Variants in PSMA8 observed in about 807,000 individuals in gnomAD.
The protein encoded by PSMA8 is proteasome subunit alpha-type 8.
A neutral mutation model predicts 32.4 loss-of-function variants in PSMA8; 18 were observed. The ratio of observed to expected loss-of-function variants is 0.56; its 90% CI spans 0.38 to 0.82. The LOEUF (loss-of-function observed/expected upper bound fraction) is 0.82, where lower values mean the gene tolerates loss of function less well. Ranked by LOEUF, PSMA8 falls within the 40% of genes least tolerant of loss-of-function variation. The pLI is 0.00. For missense variants in PSMA8, 298 were observed against 300.7 expected (o/e 0.99, Z 0.07); for synonymous variants, 104 against 98.1 (o/e 1.06, Z -0.36).
At chr18:26,173,851 C>T (rs1177375761) in intron 4 of PSMA8, among the ~76,000 whole-genome samples, 1 of 152,016 alleles carries the variant, frequency 6.6e-6, no homozygotes, top group Non-Finnish European at 1.5e-5. Flanking sequence ...CCATCACGCC[C>T]GGCCTTTTGT....
intron 1 of PSMA8, among the ~76,000 whole-genome samples, chr18:26,135,609 T>C (rs1225669566): frequency 6.6e-6 from 1 of 152,180 alleles, no homozygotes; most frequent in Non-Finnish European, 1.5e-5. Flanking sequence ...ACCATTTTGA[T>C]AAAAACAAAA....
intron 6 of PSMA8, among the ~76,000 whole-genome samples, chr18:26,187,458 C>T (rs541828380): frequency 6.6e-6 from 1 of 151,804 alleles, no homozygotes; most frequent in African/African-American, 2.4e-5. Context: ...TGTAAGTGGA[C>T]TAAACTCTCC....
At chr18:26,188,870 C>A (rs752581119) in intron 6 of PSMA8, among the ~76,000 whole-genome samples, 14 of 152,096 alleles carry the variant, frequency 9.2e-5, no homozygotes, top group Non-Finnish European at 1.9e-4. Context: ...AGCCTGTGAC[C>A]TCAATCTATA....
At chr18:26,189,109 C>T (rs2055381223) in intron 6 of PSMA8, among the ~76,000 whole-genome samples, 1 of 151,990 alleles carries the variant, frequency 6.6e-6, no homozygotes, top group African/African-American at 2.4e-5. Context: ...GGTTTAATAA[C>T]CAGAATGTAT....
chr18:26,149,932 G>A (rs1449317984), intron 2 of PSMA8, among the ~76,000 whole-genome samples: 2 of 152,168 alleles, frequency 1.3e-5, no homozygotes, highest in East Asian at 3.8e-4. Context: ...ATTATTTCAT[G>A]TACCATGTGG....
intron 4 of PSMA8, among the ~76,000 whole-genome samples, chr18:26,170,302 A>C (rs1356587864): frequency 7.6e-6 from 1 of 131,712 alleles, no homozygotes; most frequent in Non-Finnish European, 1.5e-5. Context: ...CCACTGTTAC[A>C]AACAAGGTGG....
At chr18:26,160,136 TACAAAA>T (rs2055123913) in intron 4 of PSMA8, among the ~76,000 whole-genome samples, 1 of 152,184 alleles carries the variant, frequency 6.6e-6, no homozygotes, top group African/African-American at 2.4e-5. Context: ...ACCCCACTTC[TACAAAA>T]ACAATTTAAA....
intron 1 of PSMA8, among the ~76,000 whole-genome samples, chr18:26,139,876 G>T (rs1439759055): frequency 1.3e-5 from 2 of 152,162 alleles, no homozygotes; most frequent in Admixed American, 6.5e-5. Context: ...ACTAACATAG[G>T]TTTCTGTCTG....
At chr18:26,164,480 T>C (rs2055162270) in intron 4 of PSMA8, among the ~76,000 whole-genome samples, 1 of 152,340 alleles carries the variant, frequency 6.6e-6, no homozygotes, top group South Asian at 2.1e-4. Flanking sequence ...ACTGGCATTA[T>C]ATGCGTCCTG....
chr18:26,158,538 T>C (rs1206330995), intron 4 of PSMA8, among the ~76,000 whole-genome samples: 2 of 152,188 alleles, frequency 1.3e-5, no homozygotes, highest in African/African-American at 2.4e-5. Context: ...TATTGTACTA[T>C]ATAGACGCTT....
intron 1 of PSMA8, among the ~76,000 whole-genome samples, chr18:26,134,341 GTGTGTGTGTGTGTGTGTGTGTGTCTCT>G (rs2054892063): frequency 3.2e-5 from 4 of 125,034 alleles, no homozygotes; most frequent in African/African-American, 1.2e-4. Context: ...GTGTGTGTGG[GTGTGTGTGTGTGTGTGTGTGTGTCTCT>G]GTGTGTGTGT....
intron 4 of PSMA8, among the ~76,000 whole-genome samples, chr18:26,161,919 T>A (rs1323732526): frequency 2.0e-5 from 3 of 152,132 alleles, no homozygotes; most frequent in Non-Finnish European, 2.9e-5. Context: ...GTTGTCAGGT[T>A]GCCATGAAGC....
chr18:26,179,511 G>A (rs2055292583), intron 6 of PSMA8, among the ~76,000 whole-genome samples: 1 of 152,050 alleles, frequency 6.6e-6, no homozygotes, highest in Non-Finnish European at 1.5e-5. Flanking sequence ...ACTTTAATAC[G>A]TAGCACGATA....
intron 1 of PSMA8, among the ~76,000 whole-genome samples, chr18:26,143,019 C>T (rs562485282): frequency 2.0e-5 from 3 of 152,276 alleles, no homozygotes; most frequent in African/African-American, 7.2e-5. Context: ...TCTTTACTGC[C>T]ATTAATACTA....
rs551260263 is a variant in PSMA8, at chr18:26,135,056, T to A, written c.102+989T>A. Among the ~76,000 whole-genome samples, 4 of 152,234 alleles carry A rather than the reference T, an allele frequency of 2.6e-5. No homozygotes were observed. In the East Asian group the frequency reaches 5.8e-4, roughly 22 times the overall value. On this transcript the variant is annotated intron_variant, in intron 1 of 6. Coordinates refer to ENST00000415576, the MANE Select transcript of PSMA8 (RefSeq NM_001025096.2). ...ACTTTTTTGGCCACTTAAAAAATAA[T>A]GCTGGAAGTTCCTTGAGAGATTACA...
At chr18:26,149,173 G>A (rs185736243) in intron 2 of PSMA8, among the ~76,000 whole-genome samples, 16 of 152,060 alleles carry the variant, frequency 1.1e-4, no homozygotes, top group African/African-American at 2.7e-4. Context: ...ACAATGAACC[G>A]TCAGGAAAGG....
Position 26,178,812 on chromosome 18 carries a change from T to G in PSMA8, c.478-18T>G, listed in dbSNP as rs2055285070. 2 of 1,600,922 alleles carry G rather than the reference T, an allele frequency of 1.2e-6. No homozygotes were observed. Among genetic ancestry groups the G allele is most frequent in the East Asian group, 4.5e-5 (2 of 44,754 alleles). ...TCCTACTGCAATGATATTAATAAAT[T>G]AACTTTTATTTTTCAAGGCAAATGC... is the stretch of plus-strand genomic sequence containing the variant. On this transcript the variant is annotated intron_variant, in intron 4 of 6. Coordinates refer to ENST00000415576, the MANE Select transcript of PSMA8 (RefSeq NM_001025096.2).
At chr18:26,187,646 C>T (rs1385460195) in intron 6 of PSMA8, among the ~76,000 whole-genome samples, 2 of 151,798 alleles carry the variant, frequency 1.3e-5, no homozygotes, top group East Asian at 3.9e-4. Context: ...TTATATCAGA[C>T]AAAATAGATT....
chr18:26,144,728 A>G, intron 2 of PSMA8, 43 bp downstream of exon 2: 1 of 1,599,334 alleles, frequency 6.3e-7, no homozygotes, highest in Non-Finnish European at 8.6e-7. Context: ...GTCTTACTGT[A>G]GTAGGGCAAC....
Sources: gnomAD v4.1 joint callset for allele counts (sites outside exome capture counted in the v4.1 genomes callset) on GRCh38, gnomAD v4.1.1 for gene constraint, MANE v1.5 for transcripts, NCBI Gene and HGNC (gene_info 2026-07-23, HGNC 2026-07-21) for gene names.